The following ROBO1 variants were observed in gnomAD, a reference collection of about 807,000 sequenced individuals.
ROBO1 encodes the protein roundabout homolog 1.
Under a neutral mutation model 195.9 loss-of-function variants are expected in ROBO1, and 149 were observed. The observed-to-expected ratio is 0.76, with a 90% confidence interval of 0.67 to 0.87. The LOEUF (loss-of-function observed/expected upper bound fraction) is 0.87, where lower values mean the gene tolerates loss of function less well. Among genes scored for constraint, ROBO1 ranks in the 40% least tolerant of loss-of-function variants. The probability of loss-of-function intolerance (pLI) is 0.00; values close to 1 mark genes in which losing one functional copy is unlikely to be tolerated. For missense variants in ROBO1, 1,933 were observed against 2,068.3 expected (o/e 0.93, Z 1.27); for synonymous variants, 816 against 733.2 (o/e 1.11, Z -1.82).
At chr3:78,870,744 A>C (rs1422870448) in intron 4 of ROBO1, among the ~76,000 whole-genome samples, 1 of 152,192 alleles carries the variant, frequency 6.6e-6, no homozygotes, top group Non-Finnish European at 1.5e-5. Flanking sequence ...GGGAGTGAAC[A>C]CAAGGCTTTT....
chr3:79,737,984 T>A (rs1703459444), intron 1 of ROBO1, among the ~76,000 whole-genome samples: 1 of 152,156 alleles, frequency 6.6e-6, no homozygotes, highest in South Asian at 2.1e-4. Context: ...AGTCATCTAC[T>A]TGGTTAGAGA....
chr3:79,185,287 T>A (rs1470061288), intron 2 of ROBO1, among the ~76,000 whole-genome samples: 2 of 152,188 alleles, frequency 1.3e-5, no homozygotes, highest in Non-Finnish European at 1.5e-5. Context: ...TGATTTTTTT[T>A]ATAGAAACAT....
At chr3:78,642,871 C>G (rs1433597626) in intron 21 of ROBO1, among the ~76,000 whole-genome samples, 1 of 152,060 alleles carries the variant, frequency 6.6e-6, no homozygotes, top group Admixed American at 6.6e-5. Flanking sequence ...CTCCTTTTAT[C>G]AGAGGAAAAA....
At chr3:78,648,709 T>C (rs893288138) in intron 19 of ROBO1, among the ~76,000 whole-genome samples, 23 of 151,780 alleles carry the variant, frequency 1.5e-4, no homozygotes, top group Admixed American at 1.4e-3. Flanking sequence ...AGGAAATATA[T>C]GTTATTCCCT....
At chr3:79,604,687 T>C (rs1286461106) in intron 1 of ROBO1, among the ~76,000 whole-genome samples, 1 of 152,048 alleles carries the variant, frequency 6.6e-6, no homozygotes, top group East Asian at 1.9e-4. Context: ...TTCTACATTC[T>C]TTGTCTTTTG....
At chr3:79,362,254 T>G (rs2035799467) in intron 2 of ROBO1, among the ~76,000 whole-genome samples, 1 of 152,122 alleles carries the variant, frequency 6.6e-6, no homozygotes, top group Non-Finnish European at 1.5e-5. Context: ...AACCAGTTTT[T>G]TAAAAATAAT....
chr3:79,293,369 T>A (rs1370287100), intron 2 of ROBO1, among the ~76,000 whole-genome samples: 2 of 152,166 alleles, frequency 1.3e-5, no homozygotes, highest in Non-Finnish European at 2.9e-5. Flanking sequence ...TTTTTATATA[T>A]CTATCTTTTT....
intron 1 of ROBO1, among the ~76,000 whole-genome samples, chr3:79,594,459 C>A (rs1944101734): frequency 6.6e-6 from 1 of 151,846 alleles, no homozygotes; most frequent in South Asian, 2.1e-4. Context: ...TTACAGCATA[C>A]CTTTTTGAAA....
chr3:79,089,300 G>A (rs998560337), intron 3 of ROBO1, among the ~76,000 whole-genome samples: 1 of 152,130 alleles, frequency 6.6e-6, no homozygotes, highest in Non-Finnish European at 1.5e-5. Context: ...GTTAGCATTA[G>A]ATGAACAAGT....
intron 1 of ROBO1, among the ~76,000 whole-genome samples, chr3:79,598,622 T>C (rs577954848): frequency 6.9e-4 from 105 of 152,034 alleles, no homozygotes; most frequent in African/African-American, 2.2e-3. Context: ...TCAAGGAAAG[T>C]CTGAGCCCAG....
chr3:79,211,220 G>T (rs2081961340), intron 2 of ROBO1, among the ~76,000 whole-genome samples: 1 of 152,036 alleles, frequency 6.6e-6, no homozygotes. Flanking sequence ...ATCAAGTCAA[G>T]TGGTACTGAA....
intron 1 of ROBO1, among the ~76,000 whole-genome samples, chr3:79,675,716 CTG>C (rs1484955434): frequency 6.6e-6 from 1 of 151,958 alleles, no homozygotes; most frequent in Non-Finnish European, 1.5e-5. Flanking sequence ...CTTTACTAAA[CTG>C]TAGTCACAAG....
chr3:78,996,263 G>A (rs908120506), intron 3 of ROBO1, among the ~76,000 whole-genome samples: 1 of 150,868 alleles, frequency 6.6e-6, no homozygotes, highest in African/African-American at 2.4e-5. Context: ...AGACAGAACT[G>A]CTTGAGGCCA....
At chr3:79,270,172 C>T (rs1341317942) in intron 2 of ROBO1, among the ~76,000 whole-genome samples, 1 of 142,804 alleles carries the variant, frequency 7.0e-6, no homozygotes, top group African/African-American at 2.7e-5. Flanking sequence ...AGTTTACATA[C>T]ATAATGTTCT....
chr3:79,076,735 G>C (rs2079180490), intron 3 of ROBO1, among the ~76,000 whole-genome samples: 1 of 151,684 alleles, frequency 6.6e-6, no homozygotes, highest in African/African-American at 2.4e-5. Context: ...CCATTCAAAG[G>C]AATGTTTCAA....
At chr3:79,313,100 T>C (rs1212975807) in intron 2 of ROBO1, among the ~76,000 whole-genome samples, 1 of 150,084 alleles carries the variant, frequency 6.7e-6, no homozygotes, top group Non-Finnish European at 1.5e-5. Context: ...GGCAGGAGAA[T>C]GGTGTGAACT....
chr3:79,640,670 G>A (rs1691729678), intron 1 of ROBO1, among the ~76,000 whole-genome samples: 1 of 152,052 alleles, frequency 6.6e-6, no homozygotes, highest in African/African-American at 2.4e-5. Flanking sequence ...TAGCTCCCAT[G>A]TGACCTCATG....
chr3:78,646,877 A>T (rs2107598291), intron 20 of ROBO1, among the ~76,000 whole-genome samples: 1 of 152,168 alleles, frequency 6.6e-6, no homozygotes, highest in Admixed American at 6.6e-5. Context: ...ATAACAAAAA[A>T]AAGATTTTCA....
intron 4 of ROBO1, among the ~76,000 whole-genome samples, chr3:78,804,247 A>T: frequency 6.6e-6 from 1 of 152,166 alleles, no homozygotes; most frequent in South Asian, 2.1e-4. Flanking sequence ...GACTTTTACT[A>T]TTAACTCCGT....
Sources: gnomAD v4.1 joint callset for allele counts (sites outside exome capture counted in the v4.1 genomes callset) on GRCh38, gnomAD v4.1.1 for gene constraint, MANE v1.5 for transcripts, NCBI Gene and HGNC (gene_info 2026-07-23, HGNC 2026-07-21) for gene names.